Variants in LRRC4C observed in about 807,000 individuals in gnomAD.
LRRC4C encodes the protein leucine-rich repeat-containing protein 4C.
LRRC4C carries 5 observed loss-of-function variants against 33.6 expected under a neutral mutation model. The observed-to-expected ratio is 0.15, with a 90% confidence interval of 0.08 to 0.31. The LOEUF is 0.31. LRRC4C is among the 10% of genes least tolerant of loss of function. The pLI, the probability that LRRC4C is intolerant of heterozygous loss-of-function variation, is 1.00. For synonymous variants in LRRC4C, 329 were observed against 302.0 expected (o/e 1.09, Z -0.93); for missense variants, 560 against 796.7 (o/e 0.70, Z 3.58).
rs771571794 is a variant in LRRC4C, at chr11:40,481,550, G to C, written c.-269-161829C>G. Reference sequence around the variant, plus strand: ...GGTCACCATAAGGACAATCTAATGAGTGCTCAAAAAAGACCAGGAAGTAAA... The same window carrying C: ...GGTCACCATAAGGACAATCTAATGACTGCTCAAAAAAGACCAGGAAGTAAA... On this transcript the variant is annotated intron_variant, in intron 3 of 6. Transcript: ENST00000528697. 5.3e-5 allele frequency among the ~76,000 whole-genome samples: 8 copies of C among 152,030 alleles called. No individual in the cohort carries two copies. The East Asian group carries it at 1.5e-3, about 29-fold the overall frequency.
At position 41,225,149 on chromosome 11, in the gene LRRC4C, G is replaced by T. The variant is rs143663315; in HGVS notation, c.-496+234282C>A. Among the ~76,000 whole-genome samples, 25 of 152,230 alleles carry T rather than the reference G, an allele frequency of 1.6e-4. No individual in the cohort carries two copies. In the East Asian group the frequency reaches 3.9e-3, roughly 23 times the overall value. On this transcript the variant is annotated intron_variant, in intron 1 of 6. Coordinates refer to ENST00000528697, the MANE Select transcript of LRRC4C (RefSeq NM_001258419.2). ...GGTTGGGGAGGCCGGGTAGGAGGAA[G>T]ATGTACGGGGGTAGGAAGAACATGG...
intron 4 of LRRC4C, among the ~76,000 whole-genome samples, chr11:40,274,393 A>C (rs957621435): frequency 2.7e-5 from 4 of 146,158 alleles, no homozygotes; most frequent in Non-Finnish European, 6.0e-5. Context: ...GTATGAAATT[A>C]AGTGCTTACC....
chr11:40,145,458 C>T (rs1309651029), intron 5 of LRRC4C, among the ~76,000 whole-genome samples: 2 of 152,118 alleles, frequency 1.3e-5, no homozygotes, highest in Non-Finnish European at 2.9e-5. Context: ...AAAGCCAATA[C>T]TTTTATTTCA....
intron 6 of LRRC4C, among the ~76,000 whole-genome samples, chr11:40,122,949 TTA>T (rs1314550650): frequency 1.7e-4 from 17 of 99,082 alleles, no homozygotes; most frequent in African/African-American, 6.0e-4. Flanking sequence ...ATATATATAT[TTA>T]TACACACACA....
At chr11:40,678,224 C>G (rs1287721579) in intron 2 of LRRC4C, among the ~76,000 whole-genome samples, 1 of 151,634 alleles carries the variant, frequency 6.6e-6, no homozygotes, top group Non-Finnish European at 1.5e-5. Context: ...GTTTGGAGTA[C>G]AAATGAATTC....
At chr11:41,208,748 C>T (rs1423387310) in intron 1 of LRRC4C, among the ~76,000 whole-genome samples, 4 of 152,190 alleles carry the variant, frequency 2.6e-5, no homozygotes, top group East Asian at 1.9e-4. Context: ...GGCTGCTATT[C>T]CTACCATAAA....
rs61878614 is a variant in LRRC4C at position 41,135,367 on chromosome 11, G to A, written c.-495-201644C>T. On this transcript the variant is annotated intron_variant, in intron 1 of 6. Transcript: ENST00000528697. ...GGAGCTAGGGAAGGAGAGAGAGAGA[G>A]GGTAGAGTTAAAAAGACAGGCATTT... Among the ~76,000 whole-genome samples, 5 of 152,166 alleles carry A rather than the reference G, an allele frequency of 3.3e-5. No homozygotes were observed. In the East Asian group the frequency reaches 9.7e-4, roughly 29 times the overall value.
chr11:41,318,812 ACCTGGTGAGATTGCAG>A (rs1950870697), intron 1 of LRRC4C, among the ~76,000 whole-genome samples: 1 of 152,152 alleles, frequency 6.6e-6, no homozygotes, highest in African/African-American at 2.4e-5. Context: ...GAAAAAAAAA[ACCTGGTGAGATTGCAG>A]TTAGTTTGTG....
At chr11:40,315,303 A>AT (rs1358193243) in intron 4 of LRRC4C, among the ~76,000 whole-genome samples, 1 of 151,792 alleles carries the variant, frequency 6.6e-6, no homozygotes, top group African/African-American at 2.4e-5. Context: ...GGAAGAAGTC[A>AT]TTTTTATCCT....
intron 1 of LRRC4C, among the ~76,000 whole-genome samples, chr11:41,347,526 T>C (rs1951842415): frequency 6.6e-6 from 1 of 152,200 alleles, no homozygotes; most frequent in Non-Finnish European, 1.5e-5. Flanking sequence ...AATTGCTTTT[T>C]TTAAAATACA....
chr11:40,217,604 G>A (rs1371208528), intron 5 of LRRC4C, among the ~76,000 whole-genome samples: 3 of 152,056 alleles, frequency 2.0e-5, no homozygotes, highest in African/African-American at 7.2e-5. Context: ...CATTTACAAT[G>A]CATAGTATGT....
chr11:40,564,784 A>G (rs933243747), intron 3 of LRRC4C, among the ~76,000 whole-genome samples: 1 of 152,196 alleles, frequency 6.6e-6, no homozygotes, highest in Non-Finnish European at 1.5e-5. Flanking sequence ...AGCTGCTGTC[A>G]AGACACCTGG....
intron 1 of LRRC4C, among the ~76,000 whole-genome samples, chr11:40,955,985 T>A (rs1958936990): frequency 6.6e-6 from 1 of 151,852 alleles, no homozygotes; most frequent in South Asian, 2.1e-4. Context: ...CAAATTAGAA[T>A]TCAAGGTCAT....
At chr11:40,867,457 TCTTAAA>T (rs1227612004) in intron 2 of LRRC4C, among the ~76,000 whole-genome samples, 101 of 152,324 alleles carry the variant, frequency 6.6e-4, no homozygotes, top group African/African-American at 2.4e-3. Flanking sequence ...CATTGGTGAC[TCTTAAA>T]GTAATTAGTA....
chr11:40,930,454 T>C (rs1197928674), intron 2 of LRRC4C, among the ~76,000 whole-genome samples: 1 of 152,038 alleles, frequency 6.6e-6, no homozygotes, highest in Non-Finnish European at 1.5e-5. Context: ...ATTAATATAA[T>C]AGAATTCGGG....
chr11:41,130,147 C>A (rs1316339693), intron 1 of LRRC4C, among the ~76,000 whole-genome samples: 3 of 151,908 alleles, frequency 2.0e-5, no homozygotes, highest in Admixed American at 6.6e-5. Context: ...TATTTCTCTC[C>A]TTTCTTTCCT....
intron 1 of LRRC4C, among the ~76,000 whole-genome samples, chr11:41,343,366 GAAAACAAAAC>G (rs58062144): frequency 6.6e-6 from 1 of 151,500 alleles, no homozygotes; most frequent in Non-Finnish European, 1.5e-5. Context: ...TGATTAAAGA[GAAAACAAAAC>G]AAAACAAAAC....
chr11:40,297,385 T>C (rs1434061711), intron 4 of LRRC4C, among the ~76,000 whole-genome samples: 1 of 152,216 alleles, frequency 6.6e-6, no homozygotes, highest in Non-Finnish European at 1.5e-5. Flanking sequence ...TGTGAATTAA[T>C]TTCATTAAAA....
intron 1 of LRRC4C, among the ~76,000 whole-genome samples, chr11:41,279,424 A>ACCCCCC (rs1227274322): frequency 5.4e-5 from 7 of 128,624 alleles, no homozygotes; most frequent in Admixed American, 9.2e-5. Flanking sequence ...ACACACACAC[A>ACCCCCC]CACACCGTGG....
Sources: allele counts gnomAD v4.1 joint callset (sites outside exome capture counted in the v4.1 genomes callset), GRCh38; gene constraint gnomAD v4.1.1; transcripts MANE v1.5; gene names NCBI Gene and HGNC (gene_info 2026-07-23, HGNC 2026-07-21).